Variants in FAM76B observed in about 807,000 individuals in gnomAD.
The protein encoded by FAM76B is family with sequence similarity 76 member B.
Under a neutral mutation model 51.8 loss-of-function variants are expected in FAM76B, and 16 were observed. The ratio of observed to expected loss-of-function variants is 0.31; its 90% confidence interval spans 0.21 to 0.47. The LOEUF is 0.47. Among genes scored for constraint, FAM76B ranks in the 20% least tolerant of loss-of-function variants. The probability of loss-of-function intolerance (pLI) is 1.00; values close to 1 mark genes in which losing one functional copy is unlikely to be tolerated. For missense variants in FAM76B, 342 were observed against 392.6 expected, an observed-to-expected ratio of 0.87 and a Z score of 1.09; for synonymous variants, 166 against 129.5, an observed-to-expected ratio of 1.28 and a Z score of -1.91.
chr11:95,788,573 G>A lies in FAM76B; in HGVS notation c.88-10C>T, dbSNP rs534258848. 2.4e-4 allele frequency: 386 copies of A among 1,607,688 alleles called. No homozygotes were observed. Among genetic ancestry groups the A allele is most frequent in the Non-Finnish European group, 3.1e-4 (360 of 1,175,752 alleles). ...GTGCAATCCGACATTCCTGTAATAA[G>A]ACAATACATTAGTCAGTATCTTTCT... On this transcript the variant is annotated splice_polypyrimidine_tract_variant and intron_variant, in intron 1 of 9. Transcript: ENST00000358780.
intron 5 of FAM76B, among the ~76,000 whole-genome samples, chr11:95,781,063 G>A (rs968576940): frequency 1.3e-5 from 2 of 150,802 alleles, no homozygotes; most frequent in East Asian, 3.9e-4. Flanking sequence ...AAATCCTATT[G>A]AGGAATGCAG....
rs1056334733 is a variant in FAM76B at position 95,789,295 on chromosome 11, G to A, written c.87+97C>T. On this transcript the variant is annotated intron_variant, in intron 1 of 9. Transcript: ENST00000358780. ...GGGCTCCAGACTCCCAAACCCCTGA[G>A]GCGCCGGCGAAGAGGGGCTGCAGTG... 47 of 1,354,782 alleles carry A rather than the reference G, an allele frequency of 3.5e-5. No individual in the cohort carries two copies. The East Asian group carries it at 1.0e-3, about 30-fold the overall frequency. 83.9% of individuals were successfully genotyped at this position (1,354,782 alleles called of 1,614,324 possible).
chr11:95,783,750 C>T (rs1437006929), intron 4 of FAM76B, among the ~76,000 whole-genome samples: 1 of 152,208 alleles, frequency 6.6e-6, no homozygotes. Context: ...TAAAATGTAT[C>T]TGTAACCCAA....
At position 95,789,522 on chromosome 11, in the gene FAM76B, G is replaced by T. The variant is rs774626628; in HGVS notation, c.-44C>A. The T allele has an allele frequency of 3.5e-5, 54 of 1,541,028 alleles. 1 individual carries two copies. Among genetic ancestry groups the T allele is most frequent in the Middle Eastern group, 4.0e-4 (2 of 4,952 alleles). ...CCTCCGCCGCCGCCCGCTCCGAGGC[G>T]GGGCCCTACGGAGAACCCGAGAGCC... On this transcript the variant is annotated 5_prime_UTR_variant, in exon 1 of 10. Coordinates refer to ENST00000358780, the MANE Select transcript of FAM76B (RefSeq NM_144664.5).
chr11:95,782,150 G>A (rs975007504), intron 5 of FAM76B, among the ~76,000 whole-genome samples: 5 of 151,774 alleles, frequency 3.3e-5, no homozygotes, highest in East Asian at 1.9e-4. Flanking sequence ...TGATTTTTCC[G>A]TGAAGACTAA....
chr11:95,787,211 T>A (rs1860646282), intron 3 of FAM76B, among the ~76,000 whole-genome samples: 1 of 152,200 alleles, frequency 6.6e-6, no homozygotes, highest in African/African-American at 2.4e-5. Flanking sequence ...AAATATGGTA[T>A]GTTGAAATAT....
intron 1 of FAM76B, chr11:95,789,024 C>A: frequency 7.3e-7 from 1 of 1,373,926 alleles, no homozygotes; most frequent in Non-Finnish European, 9.6e-7. Context: ...CGTCCCCTGC[C>A]TCCTGGTGGA....
chr11:95,780,104 A>C (rs955990258), intron 5 of FAM76B, among the ~76,000 whole-genome samples, 178 bp from the exon 6 acceptor site: 9 of 151,884 alleles, frequency 5.9e-5, no homozygotes, highest in Non-Finnish European at 8.9e-5. Flanking sequence ...CTGATGAAAT[A>C]AATTTTAATA....
intron 2 of FAM76B, 151 bp downstream of exon 2, chr11:95,788,348 C>T (rs1860719306): frequency 1.6e-6 from 1 of 643,636 alleles, no homozygotes; most frequent in African/African-American, 1.9e-5. Flanking sequence ...CATTCTCTCT[C>T]CCACCATGTA....
intron 3 of FAM76B, among the ~76,000 whole-genome samples, chr11:95,787,061 A>G (rs902521613): frequency 6.6e-6 from 1 of 152,198 alleles, no homozygotes; most frequent in Non-Finnish European, 1.5e-5. Context: ...ATAACCAAGA[A>G]TTTGCTATAT....
chr11:95,785,493 T>C (rs1183717614), intron 4 of FAM76B, among the ~76,000 whole-genome samples: 1 of 152,206 alleles, frequency 6.6e-6, no homozygotes, highest in Non-Finnish European at 1.5e-5. Context: ...TAGTATTCCA[T>C]GATGTTTATG....
At position 95,769,026 on chromosome 11, in the gene FAM76B, C is replaced by T. The variant is rs951902400; in HGVS notation, c.*2535G>A. 8 of 152,352 alleles carry T rather than the reference C, an allele frequency of 5.3e-5. No homozygotes were observed. The highest frequency in any genetic ancestry group is 3.3e-4 in the Admixed American group (5 of 15,224). The allele number at this position is 152,352 out of a possible 1,614,324, so 9.4% of individuals were successfully genotyped here. A position where few individuals can be genotyped will look rare whatever the true frequency, so the allele number is the denominator to read the frequency against. On this transcript the variant is annotated 3_prime_UTR_variant, in exon 10 of 10. Coordinates refer to ENST00000358780, the MANE Select transcript of FAM76B (RefSeq NM_144664.5). ...CAAAATGTCAACAGTCAGATGTGTA[C>T]AAGTACAGTATTTCAATAGTCTATA...
chr11:95,777,686 T>C (rs977390136), intron 8 of FAM76B, among the ~76,000 whole-genome samples: 46 of 151,458 alleles, frequency 3.0e-4, no homozygotes, highest in African/African-American at 8.4e-4. Flanking sequence ...TTGCTTAAAG[T>C]AAGCTACAAA....
chr11:95,777,955 C>G (rs1472501290), intron 8 of FAM76B, among the ~76,000 whole-genome samples: 1 of 151,346 alleles, frequency 6.6e-6, no homozygotes, highest in Non-Finnish European at 1.5e-5. Context: ...AGTAATAGCC[C>G]CTATGGGCAC....
At chr11:95,788,178 T>C (rs1860707981) in intron 2 of FAM76B, among the ~76,000 whole-genome samples, 1 of 152,226 alleles carries the variant, frequency 6.6e-6, no homozygotes, top group Non-Finnish European at 1.5e-5. Context: ...ACTACAGACC[T>C]TTCCTCAGAT....
intron 2 of FAM76B, among the ~76,000 whole-genome samples, 173 bp from the exon 3 acceptor site, chr11:95,787,851 T>C (rs59419594): frequency 0.065 from 9,914 of 152,304 alleles, 413 homozygotes; most frequent in Middle Eastern, 0.13. Flanking sequence ...AATTAACTTA[T>C]GACAAATGTT....
chr11:95,779,916 G>C lies in FAM76B; in HGVS notation c.574C>G (p.Leu192Val). Residue 192 changes from leucine to valine, a missense_variant, in exon 6 of 10, where the codon CTA becomes GTA. Physicochemically the swap from Leu to Val is conservative, Grantham distance 32 (BLOSUM62 1). This residue lies in a region of FAM76B where 230 missense variants were observed against 257.4 expected (regional missense o/e 0.89). Coordinates refer to ENST00000358780, the MANE Select transcript of FAM76B (RefSeq NM_144664.5). ...AGTCCCTGCTCTTCTTCTGGACTTA[G>C]ATTGCTGATTCTGAAAAATACACAA... is the stretch of plus-strand genomic sequence containing the variant. ...HSSSHHKISNLSPEEEQGLWK... is the reference protein window; with the variant it reads ...HSSSHHKISNVSPEEEQGLWK... The C allele has an allele frequency of 1.2e-6, 2 of 1,604,002 alleles. No homozygotes were observed. Among genetic ancestry groups the C allele is most frequent in the South Asian group, 2.2e-5 (2 of 88,970 alleles).
chr11:95,780,025 ATATT>A (rs1860188558), intron 5 of FAM76B, 99 bp from the exon 6 acceptor site: 1 of 1,140,406 alleles, frequency 8.8e-7, no homozygotes, highest in Non-Finnish European at 1.2e-6. Flanking sequence ...TATGTTTATA[ATATT>A]TTCTTCAGAG....
In FAM76B at chr11:95,780,189, T is replaced by G. The variant is rs937210034; in HGVS notation, c.564-263A>C. On this transcript the variant is annotated intron_variant, in intron 5 of 9. Coordinates refer to ENST00000358780, the MANE Select transcript of FAM76B (RefSeq NM_144664.5). The stretch of plus-strand genomic sequence containing the variant: ...ATCTCCACAGTTCAATTTAATATCA[T>G]ACAAAGGGTGGGTTACACAAGTAGT... Among the ~76,000 whole-genome samples the G allele has an allele frequency of 4.6e-5, 7 of 152,012 alleles. No individual in the cohort carries two copies. The East Asian group carries it at 5.8e-4, about 13-fold the overall frequency.
Sources: gnomAD v4.1 joint callset for allele counts (sites outside exome capture counted in the v4.1 genomes callset) on GRCh38, gnomAD v4.1.1 for gene constraint, gnomAD v4.1.1 regional missense constraint, MANE v1.5 for transcripts, NCBI Gene and HGNC (gene_info 2026-07-23, HGNC 2026-07-21) for gene names.